The following IGFBP5 variants were observed in gnomAD, a reference collection of about 807,000 sequenced individuals.
IGFBP5 encodes the protein insulin like growth factor binding protein 5.
IGFBP5 carries 12 observed loss-of-function variants against 28.0 expected under a neutral mutation model. The observed-to-expected ratio is 0.43, with a 90% CI of 0.27 to 0.69. The LOEUF (loss-of-function observed/expected upper bound fraction) is 0.69, where lower values mean the gene tolerates loss of function less well. IGFBP5 is among the 30% of genes least tolerant of loss of function. The probability of loss-of-function intolerance (pLI) is 0.20; values close to 1 mark genes in which losing one functional copy is unlikely to be tolerated. For synonymous variants in IGFBP5, 152 were observed against 150.2 expected, an observed-to-expected ratio of 1.01 and a Z score of -0.09; for missense variants, 344 against 381.6, an observed-to-expected ratio of 0.90 and a Z score of 0.82.
intron 1 of IGFBP5, among the ~76,000 whole-genome samples, chr2:216,693,769 A>G (rs759966543): frequency 4.0e-5 from 6 of 151,238 alleles, no homozygotes; most frequent in Non-Finnish European, 7.4e-5. Flanking sequence ...AATATGTTTT[A>G]CCATCTACCA....
At position 216,692,157 on chromosome 2, in the gene IGFBP5, G is replaced by C. The variant is rs1392029394; in HGVS notation, c.337+2282C>G. 6.6e-6 allele frequency among the ~76,000 whole-genome samples: 1 copy of C among 152,112 alleles called. No homozygotes were observed. Among genetic ancestry groups the C allele is most frequent in the Non-Finnish European group, 1.5e-5 (1 of 68,030 alleles). ...CCCATCTGTTCGGGAAGAAGATGTC[G>C]GCACCAGCAGCGGTGGAGCGCCGCC... On this transcript the variant is annotated intron_variant, in intron 1 of 3. Transcript: ENST00000233813. This position sits in a 1 kb window ranked among gnomAD's most constrained non-coding sequence, Gnocchi z 4.2.
At chr2:216,690,753 T>C (rs11575137) in intron 1 of IGFBP5, among the ~76,000 whole-genome samples, 28 of 132,534 alleles carry the variant, frequency 2.1e-4, no homozygotes, top group South Asian at 1.3e-3. Context: ...ATGGAGAAGG[T>C]CGGAGGGAAG....
chr2:216,693,273 C>A (rs1574584213), intron 1 of IGFBP5, among the ~76,000 whole-genome samples: 1 of 152,040 alleles, frequency 6.6e-6, no homozygotes. Flanking sequence ...AGACTCCTGG[C>A]GCCGAGAATT....
In IGFBP5 at chr2:216,679,137, GC is replaced by G; in HGVS notation, c.338-59del. The G allele has an allele frequency of 6.9e-7, 1 of 1,451,580 alleles. No individual in the cohort carries two copies. Among genetic ancestry groups the G allele is most frequent in the Non-Finnish European group, 9.7e-7 (1 of 1,034,696 alleles). The allele number at this position is 1,451,580 out of a possible 1,614,324, so 89.9% of individuals were successfully genotyped here. A position where few individuals can be genotyped will look rare whatever the true frequency, so the allele number is the denominator to read the frequency against. ...GTGGGCCAAGGTGCACACGGCCAGA[GC>G]CCAGGGCTGGGCAGTTTGGGGTGAG... On this transcript the variant is annotated intron_variant, in intron 1 of 3. Coordinates refer to ENST00000233813, the MANE Select transcript of IGFBP5 (RefSeq NM_000599.4). This position sits in a 1 kb window ranked among gnomAD's most constrained non-coding sequence, Gnocchi z 4.6.
chr2:216,686,812 A>C lies in IGFBP5; in HGVS notation c.337+7627T>G, dbSNP rs193238783. On this transcript the variant is annotated intron_variant, in intron 1 of 3. Transcript: ENST00000233813. ...CTCTTGAGTAGCTGGGACTAAAGGC[A>C]TGCAGCACCACGCCCAGGATGGTCT... 2.0e-4 allele frequency among the ~76,000 whole-genome samples: 30 copies of C among 151,814 alleles called. No individual in the cohort carries two copies. In the East Asian group the frequency reaches 5.9e-3, roughly 30 times the overall value.
rs751642194 is a variant in IGFBP5, at chr2:216,694,740, G to A, written c.36C>T (p.Ala12=). 3 of 1,444,412 alleles carry A rather than the reference G, an allele frequency of 2.1e-6. No homozygotes were observed. The highest frequency in any genetic ancestry group is 5.4e-5 in the East Asian group (2 of 37,332). The allele number at this position is 1,444,412 out of a possible 1,614,324, so 89.5% of individuals were successfully genotyped here. A position where few individuals can be genotyped will look rare whatever the true frequency, so the allele number is the denominator to read the frequency against. Residue 12 remains alanine (A), a synonymous_variant, in exon 1 of 4, where the codon GCC becomes GCT. Coordinates refer to ENST00000233813, the MANE Select transcript of IGFBP5 (RefSeq NM_000599.4). The surrounding 1 kb of genome is among the most constrained non-coding windows in gnomAD (Gnocchi z 5.2). ...GGCTCTGGGCCGGCCCCGCATAGGC[G>A]GCCAGCAGCAGGAGGACCGCGGTGA... ...VLLTAVLLLL[A]AYAGPAQSLG... is the part of the protein sequence containing the mutation.
Position 216,694,530 on chromosome 2 carries a change from G to C in IGFBP5, c.246C>G (p.Pro82=), listed in dbSNP as rs2106228096. 1 of 1,580,614 alleles carries C rather than the reference G, an allele frequency of 6.3e-7. No homozygotes were observed. Among genetic ancestry groups the C allele is most frequent in the Non-Finnish European group, 8.6e-7 (1 of 1,166,514 alleles). ...GCAGCGGCTTCTCCTCGTCCTGCCGGGGGAGGCAGCGCAGCCCCTGGGCGC... is the reference window on the plus strand; with the variant it reads ...GCAGCGGCTTCTCCTCGTCCTGCCGCGGGAGGCAGCGCAGCCCCTGGGCGC... ...ERCAQGLRCL[P]RQDEEKPLHA... is the part of the protein sequence containing the mutation. The change falls in exon 1 of 4, where the codon CCC becomes CCG. Residue 82 remains proline (P), a synonymous_variant. Coordinates refer to ENST00000233813, the MANE Select transcript of IGFBP5 (RefSeq NM_000599.4). The surrounding 1 kb of genome is among the most constrained non-coding windows in gnomAD (Gnocchi z 5.2).
At chr2:216,693,192 A>C (rs1689120842) in intron 1 of IGFBP5, among the ~76,000 whole-genome samples, 2 of 152,028 alleles carry the variant, frequency 1.3e-5, no homozygotes, top group African/African-American at 4.8e-5. Flanking sequence ...ACTCTTTCCA[A>C]AAAGAAACTC....
chr2:216,691,875 GTGTA>G (rs1351350246), intron 1 of IGFBP5, among the ~76,000 whole-genome samples: 7 of 114,516 alleles, frequency 6.1e-5, no homozygotes, highest in Admixed American at 2.7e-4. Context: ...GTGTGTGTGT[GTGTA>G]TGCTGCAACT....
chr2:216,688,396 G>A (rs1209354414), intron 1 of IGFBP5, among the ~76,000 whole-genome samples: 4 of 152,150 alleles, frequency 2.6e-5, no homozygotes, highest in Non-Finnish European at 2.9e-5. Context: ...TATTTTGAGC[G>A]TGTGGTGAAA....
chr2:216,684,522 CCCAGACCTGGGGAGAT>C (rs1163853884), intron 1 of IGFBP5, among the ~76,000 whole-genome samples: 4 of 152,066 alleles, frequency 2.6e-5, no homozygotes, highest in African/African-American at 9.7e-5. Context: ...TGCCAGGCCA[CCCAGACCTGGGGAGAT>C]TCTCCCATCT....
At chr2:216,686,959 T>C (rs1037261800) in intron 1 of IGFBP5, among the ~76,000 whole-genome samples, 2 of 152,154 alleles carry the variant, frequency 1.3e-5, no homozygotes, top group African/African-American at 2.4e-5. Flanking sequence ...CCCTTCTCCA[T>C]TATATTCTGA....
At chr2:216,677,016 G>A in intron 3 of IGFBP5, 134 bp from the exon 4 acceptor site, 1 of 885,634 alleles carries the variant, frequency 1.1e-6, no homozygotes, top group Non-Finnish European at 1.7e-6. Context: ...CCGACCCTTG[G>A]GTTTCTGGTG....
At chr2:216,681,225 C>T (rs762692539) in intron 1 of IGFBP5, among the ~76,000 whole-genome samples, 8 of 152,118 alleles carry the variant, frequency 5.3e-5, no homozygotes, top group African/African-American at 1.4e-4. Context: ...GGACTGGAGC[C>T]GTGCCACTCA....
chr2:216,687,055 G>A (rs1485603037), intron 1 of IGFBP5, among the ~76,000 whole-genome samples: 2 of 152,070 alleles, frequency 1.3e-5, no homozygotes, highest in Admixed American at 6.6e-5. Flanking sequence ...TCCCTAGTTC[G>A]AATCATCAAC....
At chr2:216,693,216 A>G (rs1689121364) in intron 1 of IGFBP5, among the ~76,000 whole-genome samples, 1 of 151,826 alleles carries the variant, frequency 6.6e-6, no homozygotes, top group Admixed American at 6.6e-5. Context: ...CTAAGGGGGT[A>G]GAACTGTTCT....
rs775725672 is a variant in IGFBP5 at position 216,678,840 on chromosome 2, C to G, written c.567+10G>C. ...AGCTGGGAGGGAATGAGGGAATCCCCGAGATGCACCTGCTCAGACTCCTGT... is the reference window on the plus strand; with the variant it reads ...AGCTGGGAGGGAATGAGGGAATCCCGGAGATGCACCTGCTCAGACTCCTGT... On this transcript the variant is annotated intron_variant, in intron 2 of 3. Transcript: ENST00000233813. 1.1e-5 allele frequency: 17 copies of G among 1,605,054 alleles called. No individual in the cohort carries two copies. Among genetic ancestry groups the G allele is most frequent in the Non-Finnish European group, 1.4e-5 (17 of 1,172,682 alleles).
chr2:216,690,927 G>C (rs1002644111), intron 1 of IGFBP5, among the ~76,000 whole-genome samples: 8 of 151,400 alleles, frequency 5.3e-5, no homozygotes, highest in African/African-American at 1.7e-4. Context: ...GAGGTGGCGA[G>C]AAAAGTCCAG....
chr2:216,694,854 C>G lies in IGFBP5; in HGVS notation c.-79G>C, dbSNP rs11575123. 1.9e-5 allele frequency: 19 copies of G among 1,012,590 alleles called. No individual in the cohort carries two copies. Among genetic ancestry groups the G allele is most frequent in the Non-Finnish European group, 2.4e-5 (19 of 776,278 alleles). The allele number at this position is 1,012,590 out of a possible 1,614,324, so 62.7% of individuals were successfully genotyped here. On this transcript the variant is annotated 5_prime_UTR_variant, in exon 1 of 4. Coordinates refer to ENST00000233813, the MANE Select transcript of IGFBP5 (RefSeq NM_000599.4). This position sits in a 1 kb window ranked among gnomAD's most constrained non-coding sequence, Gnocchi z 5.2. The stretch of plus-strand genomic sequence containing the variant: ...GGGATAAAGGGGCCAAGAGGGCCCC[C>G]GGAGATTTTTTTGTTTTTGTTTTTG...
Sources: gnomAD v4.1 joint callset for allele counts (sites outside exome capture counted in the v4.1 genomes callset) on GRCh38, gnomAD v4.1.1 for gene constraint, Gnocchi (gnomAD v3.1) non-coding constraint, MANE v1.5 for transcripts, NCBI Gene and HGNC (gene_info 2026-07-23, HGNC 2026-07-21) for gene names.